The following ZNF469 variants were observed in gnomAD, a reference collection of about 807,000 sequenced individuals.
ZNF469 encodes zinc finger protein 469.
ZNF469 carries 1 observed loss-of-function variant against 1.0 expected under a neutral mutation model. The observed-to-expected ratio is 1.00, with a 90% confidence interval of 0.35 to 4.73. The LOEUF is 4.73. Ranked by LOEUF, ZNF469 falls within the 30% of genes most tolerant of loss-of-function variation. The probability of loss-of-function intolerance (pLI) is 0.16; values close to 1 mark genes in which losing one functional copy is unlikely to be tolerated. For missense variants in ZNF469, 6,100 were observed against 5,356.3 expected (o/e 1.14, Z -4.33); for synonymous variants, 2,703 against 2,363.4 (o/e 1.14, Z -4.17).
the ZNF469 span, among the ~76,000 whole-genome samples, chr16:88,113,664 C>T: frequency 1.1e-4 from 17 of 152,360 alleles, no homozygotes; most frequent in Admixed American, 3.3e-4. Context: ...AAGGGCCTAT[C>T]GTAGGTCAGG....
At chr16:88,315,177 G>A in the ZNF469 span, among the ~76,000 whole-genome samples, 3 of 152,236 alleles carry the variant, frequency 2.0e-5, no homozygotes, top group Admixed American at 6.5e-5. Context: ...GAGGGCCAGG[G>A]CTCCAGGGCA....
the ZNF469 span, among the ~76,000 whole-genome samples, chr16:88,366,255 CACT>C: frequency 1.3e-5 from 2 of 151,800 alleles, no homozygotes; most frequent in African/African-American, 2.4e-5. Context: ...CCATCACCAC[CACT>C]ATTATCATCA....
At chr16:88,343,446 C>A in the ZNF469 span, among the ~76,000 whole-genome samples, 2 of 152,226 alleles carry the variant, frequency 1.3e-5, no homozygotes, top group Non-Finnish European at 2.9e-5. Flanking sequence ...GCAGCCTGCC[C>A]ATCGTGACTT....
intron 2 of ZNF469, among the ~76,000 whole-genome samples, chr16:88,425,880 G>A (rs1309848319): frequency 6.6e-6 from 1 of 152,214 alleles, no homozygotes; most frequent in East Asian, 1.9e-4. Flanking sequence ...GTGGTGTGAT[G>A]TGGAGTTTGC....
At chr16:88,329,527 G>A in the ZNF469 span, among the ~76,000 whole-genome samples, 1 of 152,156 alleles carries the variant, frequency 6.6e-6, no homozygotes, top group Admixed American at 6.5e-5. Context: ...AACACAGGTG[G>A]GAGCTCCCCA....
upstream of ZNF469, among the ~76,000 whole-genome samples, chr16:88,381,591 G>C (rs1002764319): frequency 2.0e-5 from 3 of 152,236 alleles, no homozygotes; most frequent in East Asian, 5.8e-4. Flanking sequence ...TGATTAACTC[G>C]AGAGGGTTTC....
chr16:88,245,710 T>C, the ZNF469 span, among the ~76,000 whole-genome samples: 60 of 152,194 alleles, frequency 3.9e-4, no homozygotes, highest in African/African-American at 1.4e-3. Flanking sequence ...CCCCGGCCTA[T>C]TTTTAGGCCA....
chr16:88,331,999 A>G, the ZNF469 span, among the ~76,000 whole-genome samples: 2 of 152,206 alleles, frequency 1.3e-5, no homozygotes, highest in African/African-American at 2.4e-5. Context: ...CACTGTGCCA[A>G]GAGCAGAGCT....
chr16:88,245,967 C>G, the ZNF469 span, among the ~76,000 whole-genome samples: 147 of 152,394 alleles, frequency 9.6e-4, no homozygotes, highest in African/African-American at 3.4e-3. Flanking sequence ...GGAATGGTTG[C>G]TTTGGCTCAT....
chr16:88,127,827 C>G, the ZNF469 span, among the ~76,000 whole-genome samples: 36 of 152,294 alleles, frequency 2.4e-4, no homozygotes, highest in African/African-American at 8.7e-4. Flanking sequence ...GAAGCAACAC[C>G]TACTCCAAAT....
the ZNF469 span, among the ~76,000 whole-genome samples, chr16:88,197,587 A>G: frequency 1.3e-5 from 2 of 151,998 alleles, no homozygotes; most frequent in Non-Finnish European, 2.9e-5. Context: ...ATAACAAACT[A>G]CCCCCAACTC....
chr16:88,215,390 T>C, the ZNF469 span, among the ~76,000 whole-genome samples: 1 of 130,560 alleles, frequency 7.7e-6, no homozygotes, highest in Non-Finnish European at 1.6e-5. Flanking sequence ...TTAATTTTTT[T>C]TTTTTTTTTT....
the ZNF469 span, among the ~76,000 whole-genome samples, chr16:88,129,004 T>C: frequency 0.2 from 30,578 of 152,318 alleles, 3,449 homozygotes; most frequent in East Asian, 0.46. Context: ...TACGCATGTT[T>C]GCGTTGAATG....
At chr16:88,107,951 C>A in the ZNF469 span, among the ~76,000 whole-genome samples, 2 of 152,234 alleles carry the variant, frequency 1.3e-5, no homozygotes, top group African/African-American at 4.8e-5. Flanking sequence ...GAGGTGCCCT[C>A]CCATGCCCTG....
the ZNF469 span, among the ~76,000 whole-genome samples, chr16:88,183,206 C>G: frequency 6.6e-6 from 1 of 152,218 alleles, no homozygotes; most frequent in Non-Finnish European, 1.5e-5. Flanking sequence ...CCTGGAGTCG[C>G]GGGCGTTGCT....
chr16:88,256,900 T>TTCTCTCTTTCTC, the ZNF469 span, among the ~76,000 whole-genome samples: 1 of 18,154 alleles, frequency 5.5e-5, no homozygotes, highest in African/African-American at 1.8e-4. Flanking sequence ...CTTTCCTTCT[T>TTCTCTCTTTCTC]TCTTTCTTTC....
the ZNF469 span, among the ~76,000 whole-genome samples, chr16:88,131,651 G>A: frequency 1.3e-5 from 2 of 152,236 alleles, no homozygotes; most frequent in Non-Finnish European, 2.9e-5. Flanking sequence ...GAGGCAGGCT[G>A]GGGCGCTCCT....
chr16:88,214,962 A>C, the ZNF469 span, among the ~76,000 whole-genome samples: 1 of 152,190 alleles, frequency 6.6e-6, no homozygotes, highest in Non-Finnish European at 1.5e-5. Flanking sequence ...TTATCTGCAG[A>C]AAATGTCCCT....
the ZNF469 span, among the ~76,000 whole-genome samples, chr16:88,354,208 G>A: frequency 1.3e-5 from 2 of 152,154 alleles, no homozygotes; most frequent in Admixed American, 6.5e-5. Context: ...AAAGTCTGCC[G>A]CAGGAGCCGC....
Sources: allele counts gnomAD v4.1 joint callset (sites outside exome capture counted in the v4.1 genomes callset), GRCh38; gene constraint gnomAD v4.1.1; transcripts MANE v1.5; gene names NCBI Gene and HGNC (gene_info 2026-07-23, HGNC 2026-07-21).